GFRA1: variants seen among roughly 807,000 people sequenced by gnomAD.
GFRA1 encodes the protein GDNF family receptor alpha 1, also known as GDNF family receptor alpha-1.
GFRA1 carries 16 observed loss-of-function variants against 51.6 expected under a neutral mutation model. The ratio of observed to expected loss-of-function variants is 0.31; its 90% CI spans 0.21 to 0.47. GFRA1 has a LOEUF of 0.47. Among genes scored for constraint, GFRA1 ranks in the 20% least tolerant of loss-of-function variants. The pLI, the probability that GFRA1 is intolerant of heterozygous loss-of-function variation, is 1.00. For missense variants in GFRA1, 530 were observed against 594.3 expected, an observed-to-expected ratio of 0.89 and a Z score of 1.13; for synonymous variants, 270 against 241.3, an observed-to-expected ratio of 1.12 and a Z score of -1.10.
chr10:116,159,775 A>T (rs1301307245), intron 5 of GFRA1, among the ~76,000 whole-genome samples: 3 of 152,200 alleles, frequency 2.0e-5, no homozygotes, highest in Admixed American at 1.3e-4. Flanking sequence ...AGGTGACCAC[A>T]CACAGAGGTT....
At chr10:116,092,677 C>A (rs1239666178) in intron 8 of GFRA1, among the ~76,000 whole-genome samples, 1 of 152,176 alleles carries the variant, frequency 6.6e-6, no homozygotes, top group Non-Finnish European at 1.5e-5. Flanking sequence ...CACTTCAGAT[C>A]CTAACTCTGG....
At chr10:116,217,357 T>A (rs1457669448) in intron 4 of GFRA1, among the ~76,000 whole-genome samples, 1 of 152,242 alleles carries the variant, frequency 6.6e-6, no homozygotes, top group Non-Finnish European at 1.5e-5. Context: ...CATAGGAATA[T>A]CATGAGGATC....
At chr10:116,264,906 T>C (rs1438105989) in intron 4 of GFRA1, among the ~76,000 whole-genome samples, 6 of 152,210 alleles carry the variant, frequency 3.9e-5, no homozygotes, top group Non-Finnish European at 8.8e-5. Context: ...CCACGATCCC[T>C]AATAGCTGGT....
At chr10:116,255,565 T>C in intron 4 of GFRA1, 1 of 1,281,858 alleles carries the variant, frequency 7.8e-7, no homozygotes, top group Non-Finnish European at 1.0e-6. Context: ...AGGACTAGCA[T>C]ATTCAGTATT....
chr10:116,125,107 TC>T, intron 6 of GFRA1, 113 bp downstream of exon 6: 1 of 903,244 alleles, frequency 1.1e-6, no homozygotes, highest in South Asian at 1.4e-5. Flanking sequence ...TGGACTGGGC[TC>T]CCCTCCCTCC....
intron 4 of GFRA1, among the ~76,000 whole-genome samples, chr10:116,213,861 C>T (rs188782458): frequency 3.2e-4 from 49 of 152,284 alleles, no homozygotes; most frequent in African/African-American, 1.2e-3. Flanking sequence ...ATTGCAGGCT[C>T]ATAATTCCCA....
intron 4 of GFRA1, among the ~76,000 whole-genome samples, chr10:116,252,720 T>C (rs991512409): frequency 2.2e-4 from 34 of 152,212 alleles, no homozygotes; most frequent in Non-Finnish European, 8.8e-5. Context: ...AAACAGATTC[T>C]CGTCTTTAAC....
chr10:116,198,761 C>T (rs1397637684), intron 5 of GFRA1, among the ~76,000 whole-genome samples: 2 of 152,308 alleles, frequency 1.3e-5, no homozygotes, highest in East Asian at 3.9e-4. Context: ...TTGTGGGCCA[C>T]CCAGGTTGGC....
chr10:116,228,802 G>C (rs1966489947), intron 4 of GFRA1, among the ~76,000 whole-genome samples: 1 of 151,754 alleles, frequency 6.6e-6, no homozygotes. Flanking sequence ...CCAAGATGGT[G>C]AAACCCCATC....
At position 116,060,458 on chromosome 10, in the gene GFRA1, G is replaced by C. The variant is rs1364125412; in HGVS notation, c.*3940C>G. 6.6e-6 allele frequency: 1 copy of C among 152,190 alleles called. No individual in the cohort carries two copies. Among genetic ancestry groups the C allele is most frequent in the Non-Finnish European group, 1.5e-5 (1 of 68,048 alleles). The allele number at this position is 152,190 out of a possible 1,614,324, so 9.4% of individuals were successfully genotyped here. The stretch of plus-strand genomic sequence containing the variant: ...AGAAGGTCCCTGTTCTGATCAGTAA[G>C]GAACATCAGCGGACTCTCAGATCCA... On this transcript the variant is annotated 3_prime_UTR_variant, in exon 11 of 11. Transcript: ENST00000355422.
chr10:116,233,130 C>G (rs1457535008), intron 4 of GFRA1, among the ~76,000 whole-genome samples: 2 of 149,732 alleles, frequency 1.3e-5, no homozygotes, highest in Non-Finnish European at 2.9e-5. Context: ...AGTTCGAGAC[C>G]AGCCTGGTCA....
At chr10:116,171,175 G>A (rs1209178646) in intron 5 of GFRA1, among the ~76,000 whole-genome samples, 1 of 152,094 alleles carries the variant, frequency 6.6e-6, no homozygotes, top group Non-Finnish European at 1.5e-5. Flanking sequence ...AACCTGCCCT[G>A]GATTATGCTA....
chr10:116,096,777 A>G lies in GFRA1; in HGVS notation c.771-13T>C, dbSNP rs201346639. The G allele has an allele frequency of 7.0e-6, 10 of 1,438,220 alleles. No homozygotes were observed. Among genetic ancestry groups the G allele is most frequent in the South Asian group, 6.9e-5 (6 of 86,570 alleles). 89.1% of individuals were successfully genotyped at this position (1,438,220 alleles called of 1,614,324 possible). On this transcript the variant is annotated splice_polypyrimidine_tract_variant and intron_variant, in intron 6 of 10. Coordinates refer to ENST00000355422, the MANE Select transcript of GFRA1 (RefSeq NM_005264.8). ...CGCAAGGCGAGATCTACAATAGGAA[A>G]AAAGGGGTGGGGGGTGGAAATGTGC...
At chr10:116,121,894 T>G (rs1361123849) in intron 6 of GFRA1, among the ~76,000 whole-genome samples, 1 of 152,004 alleles carries the variant, frequency 6.6e-6, no homozygotes, top group Non-Finnish European at 1.5e-5. Context: ...AGAGATGGAT[T>G]GAGAAGGGAT....
At position 116,201,602 on chromosome 10, in the gene GFRA1, T is replaced by C. The variant is rs1964337724; in HGVS notation, c.433+10029A>G. Among the ~76,000 whole-genome samples the C allele has an allele frequency of 2.0e-5, 3 of 151,932 alleles. No individual in the cohort carries two copies. The South Asian group carries it at 6.2e-4, about 32-fold the overall frequency. On this transcript the variant is annotated intron_variant, in intron 5 of 10. Coordinates refer to ENST00000355422, the MANE Select transcript of GFRA1 (RefSeq NM_005264.8). ...CTCCCAAACCATTCTTGTAGTAGCC[T>C]CTCCTTCAGGGGCACCTATCTGTAA...
At position 116,090,559 on chromosome 10, in the gene GFRA1, C is replaced by A. The variant is rs1416505121; in HGVS notation, c.1016-637G>T. Among the ~76,000 whole-genome samples, 3 of 151,740 alleles carry A rather than the reference C, an allele frequency of 2.0e-5. No homozygotes were observed. The East Asian group carries it at 5.8e-4, about 29-fold the overall frequency. ...AATCTGCATAATTAGGTAGGAGCAG[C>A]CCTGCTTAAATGAAAAGTTTAAAAT... is the stretch of plus-strand genomic sequence containing the variant. On this transcript the variant is annotated intron_variant, in intron 8 of 10. Coordinates refer to ENST00000355422, the MANE Select transcript of GFRA1 (RefSeq NM_005264.8).
chr10:116,223,873 G>A (rs1966098430), intron 4 of GFRA1, among the ~76,000 whole-genome samples: 1 of 152,076 alleles, frequency 6.6e-6, no homozygotes, highest in East Asian at 1.9e-4. Context: ...GGCTTGCCAG[G>A]AGTTCCCTGA....
At chr10:116,197,701 A>C (rs1412997881) in intron 5 of GFRA1, among the ~76,000 whole-genome samples, 1 of 152,230 alleles carries the variant, frequency 6.6e-6, no homozygotes, top group Non-Finnish European at 1.5e-5. Flanking sequence ...TAAACCCACT[A>C]GAAGTGCTAC....
intron 4 of GFRA1, among the ~76,000 whole-genome samples, chr10:116,266,482 C>T (rs1969666904): frequency 6.6e-6 from 1 of 152,222 alleles, no homozygotes; most frequent in African/African-American, 2.4e-5. Flanking sequence ...TCTCAAGTCT[C>T]CATTTGGCTT....
Sources: allele counts gnomAD v4.1 joint callset (sites outside exome capture counted in the v4.1 genomes callset), GRCh38; gene constraint gnomAD v4.1.1; transcripts MANE v1.5; gene names NCBI Gene and HGNC (gene_info 2026-07-23, HGNC 2026-07-21).